CLSTN2: variants seen among roughly 807,000 people sequenced by gnomAD.
CLSTN2 encodes calsyntenin-2.
A neutral mutation model predicts 101.2 loss-of-function variants in CLSTN2; 48 were observed. The ratio of observed to expected loss-of-function variants is 0.47; its 90% CI spans 0.38 to 0.60. CLSTN2 has a LOEUF of 0.60. CLSTN2 is among the 20% of genes least tolerant of loss of function. The probability of loss-of-function intolerance (pLI) is 0.00; values close to 1 mark genes in which losing one functional copy is unlikely to be tolerated. For missense variants in CLSTN2, 1,160 were observed against 1,238.2 expected (o/e 0.94, Z 0.95); for synonymous variants, 481 against 463.6 (o/e 1.04, Z -0.48).
At chr3:140,545,265 G>C (rs533574258) in intron 9 of CLSTN2, among the ~76,000 whole-genome samples, 2 of 152,296 alleles carry the variant, frequency 1.3e-5, no homozygotes, top group East Asian at 3.9e-4. Flanking sequence ...TAGAGAGCCA[G>C]AGAAGACTTT....
chr3:140,365,656 C>T (rs1453228319), intron 2 of CLSTN2, among the ~76,000 whole-genome samples: 1 of 152,034 alleles, frequency 6.6e-6, no homozygotes, highest in African/African-American at 2.4e-5. Context: ...GGTGCCAGAA[C>T]CAGGACTTCA....
chr3:140,217,461 C>T (rs1011944643), intron 2 of CLSTN2, among the ~76,000 whole-genome samples: 10 of 152,068 alleles, frequency 6.6e-5, no homozygotes, highest in Non-Finnish European at 1.2e-4. Context: ...CATGGTTTTC[C>T]GAGATCCAGG....
intron 1 of CLSTN2, among the ~76,000 whole-genome samples, chr3:140,028,610 G>A (rs1462862114): frequency 2.0e-5 from 3 of 152,204 alleles, no homozygotes; most frequent in African/African-American, 7.2e-5. Flanking sequence ...GTGGGTGAAA[G>A]AATTGCAAGA....
At chr3:140,534,365 T>C (rs142034788) in intron 9 of CLSTN2, among the ~76,000 whole-genome samples, 2 of 152,252 alleles carry the variant, frequency 1.3e-5, no homozygotes, top group Non-Finnish European at 2.9e-5. Context: ...CCCACCCCCA[T>C]GTCTGCAAGG....
intron 2 of CLSTN2, among the ~76,000 whole-genome samples, chr3:140,274,051 A>G (rs904325864): frequency 5.3e-5 from 8 of 152,110 alleles, no homozygotes; most frequent in African/African-American, 1.7e-4. Flanking sequence ...GGAAAGAGCC[A>G]GGAAGAGCCT....
intron 1 of CLSTN2, among the ~76,000 whole-genome samples, chr3:140,025,494 C>T (rs1311652282): frequency 6.6e-6 from 1 of 152,124 alleles, no homozygotes; most frequent in African/African-American, 2.4e-5. Context: ...AAAAATTAGG[C>T]CAACCATATG....
chr3:139,951,586 G>A (rs1560051908), intron 1 of CLSTN2, among the ~76,000 whole-genome samples: 1 of 152,090 alleles, frequency 6.6e-6, no homozygotes, highest in South Asian at 2.1e-4. Flanking sequence ...GGGGGTGTGC[G>A]GGGAGACCAC....
intron 2 of CLSTN2, among the ~76,000 whole-genome samples, chr3:140,298,959 GT>G (rs1418466371): frequency 6.6e-6 from 1 of 152,176 alleles, no homozygotes; most frequent in African/African-American, 2.4e-5. Flanking sequence ...ACTCTGAATA[GT>G]GCCTCACCCA....
chr3:140,355,105 A>G (rs1479853432), intron 2 of CLSTN2, among the ~76,000 whole-genome samples: 2 of 152,202 alleles, frequency 1.3e-5, no homozygotes, highest in Non-Finnish European at 2.9e-5. Flanking sequence ...AGACCAGATG[A>G]GCAGTTGTAT....
intron 8 of CLSTN2, among the ~76,000 whole-genome samples, chr3:140,518,782 T>C (rs1396190632): frequency 1.3e-5 from 2 of 152,232 alleles, no homozygotes; most frequent in Non-Finnish European, 2.9e-5. Flanking sequence ...AGCCTCCACA[T>C]GTCGCTCTGT....
chr3:140,076,435 A>G (rs1351769688), intron 1 of CLSTN2, among the ~76,000 whole-genome samples: 1 of 152,004 alleles, frequency 6.6e-6, no homozygotes, highest in African/African-American at 2.4e-5. Flanking sequence ...TCGCCACAAG[A>G]AGCAACAGTG....
At chr3:140,235,266 C>T (rs1292082010) in intron 2 of CLSTN2, among the ~76,000 whole-genome samples, 1 of 152,136 alleles carries the variant, frequency 6.6e-6, no homozygotes, top group Non-Finnish European at 1.5e-5. Flanking sequence ...AGTAGATTCT[C>T]TCCCCATGAT....
intron 9 of CLSTN2, among the ~76,000 whole-genome samples, chr3:140,536,677 C>T (rs998856680): frequency 1.3e-5 from 2 of 152,090 alleles, no homozygotes; most frequent in African/African-American, 4.8e-5. Flanking sequence ...AAATGACAAC[C>T]CATTGGTGAA....
intron 1 of CLSTN2, among the ~76,000 whole-genome samples, chr3:140,051,727 A>G (rs2007998998): frequency 2.0e-5 from 3 of 152,200 alleles, no homozygotes; most frequent in Admixed American, 1.3e-4. Flanking sequence ...CATTCATATC[A>G]GAGATGGTGG....
At chr3:140,282,920 C>T (rs750160356) in intron 2 of CLSTN2, among the ~76,000 whole-genome samples, 1 of 152,144 alleles carries the variant, frequency 6.6e-6, no homozygotes, top group Non-Finnish European at 1.5e-5. Flanking sequence ...CGCAAAAGAT[C>T]CCTTCAACCT....
intron 5 of CLSTN2, among the ~76,000 whole-genome samples, chr3:140,447,422 C>T (rs1267601556): frequency 2.0e-5 from 3 of 152,192 alleles, no homozygotes; most frequent in African/African-American, 4.8e-5. Context: ...GCCTTGAGTC[C>T]GCTCTGACTT....
intron 2 of CLSTN2, among the ~76,000 whole-genome samples, chr3:140,388,112 A>G (rs540436847): frequency 6.6e-6 from 1 of 152,382 alleles, no homozygotes; most frequent in South Asian, 2.1e-4. Context: ...AAAGTAATGG[A>G]GATACAACCA....
chr3:140,051,892 C>A (rs901721850), intron 1 of CLSTN2, among the ~76,000 whole-genome samples: 5 of 152,220 alleles, frequency 3.3e-5, no homozygotes, highest in Admixed American at 3.3e-4. Flanking sequence ...CCCCACCCCA[C>A]AGTTGCTGAT....
intron 2 of CLSTN2, among the ~76,000 whole-genome samples, chr3:140,333,044 C>T (rs2087402473): frequency 6.6e-6 from 1 of 152,166 alleles, no homozygotes; most frequent in Admixed American, 6.5e-5. Flanking sequence ...TTAAAAGAGA[C>T]AGTACAGCTG....
Sources: gnomAD v4.1 joint callset for allele counts (sites outside exome capture counted in the v4.1 genomes callset) on GRCh38, gnomAD v4.1.1 for gene constraint, MANE v1.5 for transcripts, NCBI Gene and HGNC (gene_info 2026-07-23, HGNC 2026-07-21) for gene names.